The following SLC23A2 variants were observed in gnomAD, a reference collection of about 807,000 sequenced individuals.
SLC23A2 encodes the protein Na(+)/L-ascorbic acid transporter 2.
A neutral mutation model predicts 73.3 loss-of-function variants in SLC23A2; 36 were observed. The observed-to-expected ratio is 0.49, with a 90% CI of 0.38 to 0.65. The LOEUF (loss-of-function observed/expected upper bound fraction) is 0.65. Among genes scored for constraint, SLC23A2 ranks in the 30% least tolerant of loss-of-function variants. SLC23A2 has a pLI of 0.00. For missense variants in SLC23A2, 507 were observed against 841.6 expected (o/e 0.60, Z 4.92); for synonymous variants, 343 against 327.3 (o/e 1.05, Z -0.52).
chr20:4,919,142 A>G (rs926779952), intron 3 of SLC23A2, among the ~76,000 whole-genome samples: 8 of 152,218 alleles, frequency 5.3e-5, no homozygotes, highest in African/African-American at 1.2e-4. Context: ...AACATATTCT[A>G]AACACCCAAA....
intron 2 of SLC23A2, among the ~76,000 whole-genome samples, chr20:4,965,601 G>A (rs1406721221): frequency 3.3e-5 from 5 of 151,732 alleles, no homozygotes; most frequent in Admixed American, 1.3e-4. Flanking sequence ...GCAAAACCCC[G>A]TCTCTACAAA....
intron 2 of SLC23A2, among the ~76,000 whole-genome samples, chr20:4,948,191 C>T (rs2087146459): frequency 6.6e-6 from 1 of 152,210 alleles, no homozygotes; most frequent in South Asian, 2.1e-4. Flanking sequence ...CTGTGATCTG[C>T]TCTTCAGACC....
chr20:4,870,161 T>C (rs2122793729), intron 11 of SLC23A2, 108 bp from the exon 12 acceptor site: 4 of 922,586 alleles, frequency 4.3e-6, no homozygotes, highest in Non-Finnish European at 6.5e-6. Context: ...AAGATCCACT[T>C]GGATTCTGAA....
At position 4,866,032 on chromosome 20, in the gene SLC23A2, C is replaced by T. The variant is rs994435911; in HGVS notation, c.1356+1738G>A. 2.6e-4 allele frequency among the ~76,000 whole-genome samples: 40 copies of T among 152,162 alleles called. 1 individual carries two copies. Among genetic ancestry groups the T allele is most frequent in the Middle Eastern group, 6.8e-3 (2 of 292 alleles). ...GTTTTTAGTGGAGACAGGGGTTCAACATGTTGGCCAGGCTGGTCTCGAACT... is the reference window on the plus strand; with the variant it reads ...GTTTTTAGTGGAGACAGGGGTTCAATATGTTGGCCAGGCTGGTCTCGAACT... On this transcript the variant is annotated intron_variant, in intron 13 of 16. Coordinates refer to ENST00000338244, the MANE Select transcript of SLC23A2 (RefSeq NM_005116.6).
chr20:4,996,685 C>CAAAAAAAA (rs1555809857), intron 1 of SLC23A2, among the ~76,000 whole-genome samples: 85 of 54,688 alleles, frequency 1.6e-3, no homozygotes, highest in African/African-American at 1.9e-3. Flanking sequence ...GATTCCATCT[C>CAAAAAAAA]AAAAAAAAAA....
chr20:4,962,874 G>A (rs2087414295), intron 2 of SLC23A2, among the ~76,000 whole-genome samples: 1 of 152,130 alleles, frequency 6.6e-6, no homozygotes, highest in African/African-American at 2.4e-5. Context: ...GCATGCACCT[G>A]TAATCCCAGC....
intron 1 of SLC23A2, among the ~76,000 whole-genome samples, chr20:4,971,864 C>T (rs1339030405): frequency 6.6e-6 from 1 of 152,096 alleles, no homozygotes; most frequent in Non-Finnish European, 1.5e-5. Flanking sequence ...TATTCCCTAG[C>T]ACAGGGTCTT....
chr20:5,002,407 A>C (rs983698653), upstream of SLC23A2, among the ~76,000 whole-genome samples: 1 of 152,216 alleles, frequency 6.6e-6, no homozygotes, highest in Non-Finnish European at 1.5e-5. Flanking sequence ...TAAATGTTCT[A>C]ATAATTAGTA....
At position 4,998,261 on chromosome 20, in the gene SLC23A2, A is replaced by G. The variant is rs2088056872; in HGVS notation, c.-282+3145T>C. Reference sequence around the variant, plus strand: ...TCCACATCCCTACAGTGTGGGCTCCATGTGGGCTGGGAATCTCCCTGCAGC... The same window carrying G: ...TCCACATCCCTACAGTGTGGGCTCCGTGTGGGCTGGGAATCTCCCTGCAGC... On this transcript the variant is annotated intron_variant, in intron 1 of 16. Coordinates refer to ENST00000338244, the MANE Select transcript of SLC23A2 (RefSeq NM_005116.6). This position sits in a 1 kb window ranked among gnomAD's most constrained non-coding sequence, Gnocchi z 4.1. Among the ~76,000 whole-genome samples, 2 of 152,138 alleles carry G rather than the reference A, an allele frequency of 1.3e-5. No individual in the cohort carries two copies. The highest frequency in any genetic ancestry group is 2.1e-4 in the South Asian group (1 of 4,824).
intron 2 of SLC23A2, among the ~76,000 whole-genome samples, chr20:4,954,485 T>C (rs1384462605): frequency 6.6e-6 from 1 of 151,660 alleles, no homozygotes; most frequent in Non-Finnish European, 1.5e-5. Flanking sequence ...TCACCTGAGG[T>C]AAGGAGTTTG....
chr20:4,913,752 G>A (rs527761245), intron 3 of SLC23A2, among the ~76,000 whole-genome samples: 5 of 151,902 alleles, frequency 3.3e-5, no homozygotes, highest in South Asian at 2.1e-4. Flanking sequence ...TCAGCCTCCC[G>A]AGTAGCTGGA....
intron 3 of SLC23A2, among the ~76,000 whole-genome samples, chr20:4,926,657 C>T (rs1483238510): frequency 6.6e-6 from 1 of 151,920 alleles, no homozygotes; most frequent in African/African-American, 2.4e-5. Flanking sequence ...GCTATGTTCC[C>T]CCTATTTGAT....
chr20:4,931,297 A>C (rs1047544725), intron 3 of SLC23A2, among the ~76,000 whole-genome samples: 3 of 152,036 alleles, frequency 2.0e-5, no homozygotes, highest in Non-Finnish European at 2.9e-5. Context: ...GTGAGTCTTA[A>C]TTGTGCCACT....
chr20:4,999,342 AT>A lies in SLC23A2; in HGVS notation c.-282+2063del, dbSNP rs201762082. 6.6e-3 allele frequency among the ~76,000 whole-genome samples: 1,000 copies of A among 152,268 alleles called. 18 individuals carry two copies. The highest frequency in any genetic ancestry group is 0.023 in the African/African-American group (952 of 41,544). On this transcript the variant is annotated intron_variant, in intron 1 of 16. Coordinates refer to ENST00000338244, the MANE Select transcript of SLC23A2 (RefSeq NM_005116.6). ...TCAACAGAACCTGGTCACCAAGTGG[AT>A]GGATGGATGGGCAGACACAGATGGA...
At chr20:4,908,288 A>G (rs1455585040) in intron 4 of SLC23A2, among the ~76,000 whole-genome samples, 1 of 152,210 alleles carries the variant, frequency 6.6e-6, no homozygotes, top group Non-Finnish European at 1.5e-5. Flanking sequence ...AGCCTCACTA[A>G]TGAAAAATCA....
chr20:4,944,384 G>A (rs1277126990), intron 2 of SLC23A2, among the ~76,000 whole-genome samples: 1 of 152,052 alleles, frequency 6.6e-6, no homozygotes, highest in African/African-American at 2.4e-5. Context: ...GATTACAGGT[G>A]TGCCCCACCA....
chr20:4,870,445 C>T (rs756825953), intron 11 of SLC23A2, among the ~76,000 whole-genome samples: 2 of 152,006 alleles, frequency 1.3e-5, no homozygotes, highest in Non-Finnish European at 2.9e-5. Context: ...GGCGTGGGGG[C>T]ATGTGCCTGT....
chr20:4,885,670 C>T lies in SLC23A2; in HGVS notation c.571+151G>A, dbSNP rs1931068911. The T allele has an allele frequency of 4.6e-6, 3 of 647,160 alleles. No homozygotes were observed. In the Admixed American group the frequency reaches 7.1e-5, roughly 15 times the overall value. 40.1% of individuals were successfully genotyped at this position (647,160 alleles called of 1,614,324 possible). A position where few individuals can be genotyped will look rare whatever the true frequency, so the allele number is the denominator to read the frequency against. ...GAAAGAGAGAGACAGACACGATCCA[C>T]AGATGGAGCATTCTAAGCTGTTTGT... On this transcript the variant is annotated intron_variant, in intron 7 of 16. Transcript: ENST00000338244.
upstream of SLC23A2, among the ~76,000 whole-genome samples, chr20:5,002,522 G>A (rs573221097): frequency 1.2e-4 from 18 of 152,220 alleles, no homozygotes; most frequent in Admixed American, 1.1e-3. Context: ...AATTGTAGAC[G>A]GTGTCTGTCT....
Sources: gnomAD v4.1 joint callset for allele counts (sites outside exome capture counted in the v4.1 genomes callset) on GRCh38, gnomAD v4.1.1 for gene constraint, Gnocchi (gnomAD v3.1) non-coding constraint, MANE v1.5 for transcripts, NCBI Gene and HGNC (gene_info 2026-07-23, HGNC 2026-07-21) for gene names.